DSE: variants seen among roughly 807,000 people sequenced by gnomAD.
DSE encodes the protein dermatan sulfate epimerase, also known as dermatan-sulfate epimerase.
Under a neutral mutation model 84.4 loss-of-function variants are expected in DSE, and 36 were observed. That is an observed-to-expected ratio of 0.43 (90% CI 0.33 to 0.56). The LOEUF (loss-of-function observed/expected upper bound fraction) is 0.56. Among genes scored for constraint, DSE ranks in the 20% least tolerant of loss-of-function variants. DSE has a pLI of 0.06. For missense variants in DSE, 862 were observed against 1,169.6 expected, an observed-to-expected ratio of 0.74 and a Z score of 3.84; for synonymous variants, 410 against 430.1, an observed-to-expected ratio of 0.95 and a Z score of 0.58.
At chr6:116,434,160 TA>T (rs149357478) in intron 5 of DSE, among the ~76,000 whole-genome samples, 8,477 of 152,292 alleles carry the variant, frequency 0.056, 328 homozygotes, top group Non-Finnish European at 0.087. Flanking sequence ...TTTTTTGCCT[TA>T]ATCTTTTAAG....
At chr6:116,281,187 G>A (rs1582933910) in intron 2 of DSE, among the ~76,000 whole-genome samples, 1 of 152,204 alleles carries the variant, frequency 6.6e-6, no homozygotes, top group East Asian at 1.9e-4. Context: ...GGGAGGAAAG[G>A]GAAATCGCTA....
intron 2 of DSE, among the ~76,000 whole-genome samples, chr6:116,302,600 A>G (rs1487356801): frequency 6.6e-6 from 1 of 151,824 alleles, no homozygotes; most frequent in Admixed American, 6.6e-5. Flanking sequence ...TTGCCTATTC[A>G]CTCTGATGAT....
In DSE at chr6:116,305,252, T is replaced by A. The variant is rs552584291; in HGVS notation, c.-54+46285T>A. The stretch of plus-strand genomic sequence containing the variant: ...CCCAGTAGCATCTTAGCTGGTTTGA[T>A]CTCCCAAGGCTCCTCCCTGCCCCTT... On this transcript the variant is annotated intron_variant, in intron 2 of 3. Coordinates refer to the DSE transcript ENST00000430252. Among the ~76,000 whole-genome samples the A allele has an allele frequency of 2.0e-5, 3 of 152,262 alleles. No individual in the cohort carries two copies. The South Asian group carries it at 6.2e-4, about 32-fold the overall frequency.
At chr6:116,300,544 ATATAT>A (rs903072367) in intron 2 of DSE, among the ~76,000 whole-genome samples, 33 of 152,296 alleles carry the variant, frequency 2.2e-4, no homozygotes, top group African/African-American at 7.9e-4. Context: ...GCTTCATGAC[ATATAT>A]TATCTTTCTC....
chr6:116,426,101 C>T (rs537418472), intron 2 of DSE, among the ~76,000 whole-genome samples: 2 of 152,138 alleles, frequency 1.3e-5, no homozygotes, highest in Non-Finnish European at 2.9e-5. Context: ...GACCACAGTA[C>T]CTTCGCATTG....
chr6:116,396,282 A>G (rs1781244697), intron 1 of DSE, among the ~76,000 whole-genome samples: 1 of 152,194 alleles, frequency 6.6e-6, no homozygotes, highest in South Asian at 2.1e-4. Flanking sequence ...GTCCGGTGTG[A>G]TATAGGTATG....
At chr6:116,419,486 A>C (rs779306870) in intron 2 of DSE, among the ~76,000 whole-genome samples, 28 of 152,224 alleles carry the variant, frequency 1.8e-4, no homozygotes, top group Non-Finnish European at 2.2e-4. Context: ...TGTGTTCAGG[A>C]GACTTTTAGA....
chr6:116,373,732 G>T (rs950901891), intron 1 of DSE, among the ~76,000 whole-genome samples: 11 of 152,102 alleles, frequency 7.2e-5, no homozygotes, highest in African/African-American at 2.7e-4. Flanking sequence ...CCAGTGCCTC[G>T]TTATAGTCTC....
Position 116,430,925 on chromosome 6 carries a change from C to T in DSE, c.671-29C>T, listed in dbSNP as rs1158430349. On this transcript the variant is annotated intron_variant, in intron 3 of 5. Transcript: ENST00000644252. ...TTTATGCTTTGTCACAGGCTTTAGTCATTGCTTCCATGTGTTTTCATCCTT... is the reference window on the plus strand; with the variant it reads ...TTTATGCTTTGTCACAGGCTTTAGTTATTGCTTCCATGTGTTTTCATCCTT... 3 of 1,608,672 alleles carry T rather than the reference C, an allele frequency of 1.9e-6. No homozygotes were observed. The African/African-American group carries it at 4.0e-5, about 22-fold the overall frequency.
chr6:116,284,387 T>A (rs1468781552), intron 2 of DSE, among the ~76,000 whole-genome samples: 2 of 152,138 alleles, frequency 1.3e-5, no homozygotes, highest in South Asian at 4.1e-4. Flanking sequence ...AATAGGAAAC[T>A]GAGGCAAAGA....
At chr6:116,288,340 ATTAAAG>A (rs1774061786) in intron 2 of DSE, 1 of 152,174 alleles carries the variant, frequency 6.6e-6, no homozygotes, top group African/African-American at 2.4e-5. Flanking sequence ...ACTTAGGCAT[ATTAAAG>A]TTAGACTATT....
chr6:116,306,631 C>CAGAAGGGTA (rs1391673502), intron 2 of DSE, among the ~76,000 whole-genome samples: 1 of 152,158 alleles, frequency 6.6e-6, no homozygotes, highest in Non-Finnish European at 1.5e-5. Flanking sequence ...CTATAATACC[C>CAGAAGGGTA]TTCTCTACAG....
At chr6:116,273,842 T>G (rs1211180174) in intron 2 of DSE, among the ~76,000 whole-genome samples, 9 of 151,040 alleles carry the variant, frequency 6.0e-5, no homozygotes, top group East Asian at 1.9e-4. Flanking sequence ...TTGTTTTTTT[T>G]TTTTTTTGAG....
At chr6:116,387,813 A>G (rs1005935940) in intron 1 of DSE, among the ~76,000 whole-genome samples, 2 of 152,200 alleles carry the variant, frequency 1.3e-5, no homozygotes, top group Non-Finnish European at 2.9e-5. Context: ...GGAAAAAAGC[A>G]TAAGAAGGAT....
At chr6:116,377,077 G>T (rs1430059984) in intron 1 of DSE, among the ~76,000 whole-genome samples, 3 of 152,170 alleles carry the variant, frequency 2.0e-5, no homozygotes, top group African/African-American at 4.8e-5. Flanking sequence ...TGCTCTTTTA[G>T]TAGAAATTGA....
chr6:116,422,637 T>TC (rs1168214875), intron 2 of DSE, among the ~76,000 whole-genome samples: 2 of 152,204 alleles, frequency 1.3e-5, no homozygotes, highest in African/African-American at 4.8e-5. Context: ...TTTTACCACT[T>TC]CATCAAGGAC....
intron 2 of DSE, among the ~76,000 whole-genome samples, chr6:116,268,684 G>T (rs1039958231): frequency 1.3e-5 from 2 of 152,068 alleles, no homozygotes; most frequent in Non-Finnish European, 2.9e-5. Flanking sequence ...CCTAGAGGGA[G>T]GTATGCATAT....
At chr6:116,329,666 T>TGATG (rs1776822959) in intron 2 of DSE, among the ~76,000 whole-genome samples, 1 of 152,232 alleles carries the variant, frequency 6.6e-6, no homozygotes, top group Non-Finnish European at 1.5e-5. Flanking sequence ...CAACTATGAG[T>TGATG]GATGTCAACA....
chr6:116,285,619 G>A (rs1055665944), intron 2 of DSE, among the ~76,000 whole-genome samples: 4 of 152,152 alleles, frequency 2.6e-5, no homozygotes, highest in African/African-American at 9.7e-5. Context: ...GAATGGTATT[G>A]CCTAGGTTTT....
Sources: gnomAD v4.1 joint callset for allele counts (sites outside exome capture counted in the v4.1 genomes callset) on GRCh38, gnomAD v4.1.1 for gene constraint, MANE v1.5 for transcripts, NCBI Gene and HGNC (gene_info 2026-07-23, HGNC 2026-07-21) for gene names.